EPHA5: variants seen among roughly 807,000 people sequenced by gnomAD.
EPHA5 encodes ephrin type-A receptor 5.
EPHA5 carries 60 observed loss-of-function variants against 105.0 expected under a neutral mutation model. The ratio of observed to expected loss-of-function variants is 0.57; its 90% CI spans 0.46 to 0.71. The LOEUF (loss-of-function observed/expected upper bound fraction) is 0.71. Among genes scored for constraint, EPHA5 ranks in the 30% least tolerant of loss-of-function variants. The pLI is 0.00. For synonymous variants in EPHA5, 513 were observed against 449.1 expected (o/e 1.14, Z -1.80); for missense variants, 1,218 against 1,274.7 (o/e 0.96, Z 0.68).
At chr4:65,469,477 G>A (rs1729076330) in intron 5 of EPHA5, among the ~76,000 whole-genome samples, 1 of 152,066 alleles carries the variant, frequency 6.6e-6, no homozygotes, top group Admixed American at 6.6e-5. Context: ...GAAAGTATTA[G>A]TAAAAGGTGA....
chr4:65,369,907 C>A (rs746008158), intron 8 of EPHA5, among the ~76,000 whole-genome samples: 9 of 152,092 alleles, frequency 5.9e-5, no homozygotes, highest in Non-Finnish European at 1.0e-4. Context: ...CCGGAGGTTG[C>A]AGTGAGCCAA....
intron 3 of EPHA5, among the ~76,000 whole-genome samples, chr4:65,529,894 T>C (rs35865102): frequency 0.28 from 41,827 of 151,998 alleles, 5,869 homozygotes; most frequent in Middle Eastern, 0.34. Context: ...TTTTCTAATT[T>C]AAAATAATAT....
intron 1 of EPHA5, among the ~76,000 whole-genome samples, chr4:65,645,599 A>T (rs1174012782): frequency 6.6e-6 from 1 of 152,048 alleles, no homozygotes; most frequent in East Asian, 1.9e-4. Context: ...GTTTAAACTA[A>T]ATTACCATTT....
chr4:65,543,897 C>A (rs998632950), intron 3 of EPHA5, among the ~76,000 whole-genome samples: 1 of 151,916 alleles, frequency 6.6e-6, no homozygotes, highest in African/African-American at 2.4e-5. Flanking sequence ...TGGAACAGAA[C>A]AGAGACCTCA....
At chr4:65,656,865 C>T (rs891801384) in intron 1 of EPHA5, among the ~76,000 whole-genome samples, 1 of 150,620 alleles carries the variant, frequency 6.6e-6, no homozygotes, top group Admixed American at 6.6e-5. Flanking sequence ...ATTCAAAGAA[C>T]TTTTATAGAT....
intron 8 of EPHA5, among the ~76,000 whole-genome samples, chr4:65,403,577 CTTGTTTTATATAGTTT>C (rs145264351): frequency 0.062 from 9,433 of 151,846 alleles, 584 homozygotes; most frequent in African/African-American, 0.16. Context: ...ACAGCATACT[CTTGTTTTATATAGTTT>C]ATTTTGTTTT....
At chr4:65,348,813 A>ATTTTTTT (rs1411450820) in intron 13 of EPHA5, among the ~76,000 whole-genome samples, 3 of 41,330 alleles carry the variant, frequency 7.3e-5, no homozygotes, top group Non-Finnish European at 9.5e-5. Context: ...ATATATATAT[A>ATTTTTTT]TATTTTTTTT....
chr4:65,540,932 A>T (rs1187038321), intron 3 of EPHA5, among the ~76,000 whole-genome samples: 2 of 150,848 alleles, frequency 1.3e-5, no homozygotes, highest in Non-Finnish European at 3.0e-5. Context: ...TCTGTTTAAT[A>T]AAAAAAGGAA....
intron 2 of EPHA5, among the ~76,000 whole-genome samples, chr4:65,622,378 G>A (rs1159702659): frequency 3.3e-5 from 5 of 151,886 alleles, no homozygotes; most frequent in Non-Finnish European, 5.9e-5. Context: ...CACTAGGTGA[G>A]TTCACCAAAG....
intron 3 of EPHA5, among the ~76,000 whole-genome samples, chr4:65,540,218 C>T (rs994155532): frequency 5.9e-5 from 9 of 151,426 alleles, no homozygotes; most frequent in African/African-American, 1.9e-4. Context: ...ATTCCTAAAG[C>T]CTGAATACTA....
chr4:65,411,270 T>C (rs1383384684), intron 7 of EPHA5, among the ~76,000 whole-genome samples: 1 of 152,090 alleles, frequency 6.6e-6, no homozygotes, highest in Non-Finnish European at 1.5e-5. Flanking sequence ...TACTACTGTT[T>C]GCATTTCTCT....
At chr4:65,439,914 G>T (rs955981317) in intron 5 of EPHA5, among the ~76,000 whole-genome samples, 2 of 152,114 alleles carry the variant, frequency 1.3e-5, no homozygotes, top group Admixed American at 1.3e-4. Flanking sequence ...CATTATGAAA[G>T]ATTATGTCAT....
intron 15 of EPHA5, among the ~76,000 whole-genome samples, chr4:65,333,528 AGAGTGTGTGTCTGTGT>A (rs1475554733): frequency 1.0e-5 from 1 of 96,044 alleles, no homozygotes; most frequent in Non-Finnish European, 2.0e-5. Context: ...TGTGCGTGTG[AGAGTGTGTGTCTGTGT>A]GTGTGTGTGT....
At chr4:65,506,101 C>T (rs369680651) in intron 3 of EPHA5, among the ~76,000 whole-genome samples, 1 of 152,022 alleles carries the variant, frequency 6.6e-6, no homozygotes, top group African/African-American at 2.4e-5. Context: ...ACATGTGGTG[C>T]TTGGTCTTTT....
chr4:65,531,402 G>T (rs998807788), intron 3 of EPHA5, among the ~76,000 whole-genome samples: 1 of 152,162 alleles, frequency 6.6e-6, no homozygotes, highest in African/African-American at 2.4e-5. Flanking sequence ...TGGTGATCCA[G>T]AAGTCATGCA....
chr4:65,390,032 C>T (rs1191109744), intron 8 of EPHA5, among the ~76,000 whole-genome samples: 2 of 151,972 alleles, frequency 1.3e-5, no homozygotes, highest in Admixed American at 6.6e-5. Flanking sequence ...TTCAACCTAT[C>T]AATCTATCTT....
intron 5 of EPHA5, among the ~76,000 whole-genome samples, chr4:65,468,750 G>A (rs2149155109): frequency 6.7e-6 from 1 of 148,506 alleles, no homozygotes; most frequent in African/African-American, 2.5e-5. Flanking sequence ...TATGATTCAT[G>A]AAGACAGCTT....
chr4:65,572,514 ATACT>A (rs1037194758), intron 3 of EPHA5, among the ~76,000 whole-genome samples: 1 of 152,204 alleles, frequency 6.6e-6, no homozygotes, highest in African/African-American at 2.4e-5. Flanking sequence ...AAGAATTTAG[ATACT>A]TAGTGCAAAA....
intron 2 of EPHA5, among the ~76,000 whole-genome samples, chr4:65,640,759 T>C (rs368670604): frequency 6.6e-6 from 1 of 152,188 alleles, no homozygotes; most frequent in Non-Finnish European, 1.5e-5. Context: ...ACTTCCTGCT[T>C]GTGCACAAGT....
Sources: gnomAD v4.1 joint callset for allele counts (sites outside exome capture counted in the v4.1 genomes callset) on GRCh38, gnomAD v4.1.1 for gene constraint, MANE v1.5 for transcripts, NCBI Gene and HGNC (gene_info 2026-07-23, HGNC 2026-07-21) for gene names.